PDE11A: variants seen among roughly 807,000 people sequenced by gnomAD.
The protein encoded by PDE11A is dual 3',5'-cyclic-AMP and -GMP phosphodiesterase 11A.
PDE11A carries 100 observed loss-of-function variants against 100.5 expected under a neutral mutation model. The observed-to-expected ratio is 1.00, with a 90% CI of 0.85 to 1.18. The LOEUF (loss-of-function observed/expected upper bound fraction) is 1.18. Among genes scored for constraint, PDE11A ranks in the 50% most tolerant of loss-of-function variants. PDE11A has a pLI of 0.00. For synonymous variants in PDE11A, 381 were observed against 420.8 expected, an observed-to-expected ratio of 0.91 and a Z score of 1.16; for missense variants, 1,141 against 1,152.6, an observed-to-expected ratio of 0.99 and a Z score of 0.15.
intron 2 of PDE11A, among the ~76,000 whole-genome samples, chr2:177,958,079 C>T (rs895371394): frequency 7.9e-5 from 12 of 151,754 alleles, no homozygotes; most frequent in African/African-American, 2.4e-4. Flanking sequence ...TTAGTAGACA[C>T]GGGGTTTCAT....
At chr2:177,699,301 C>A (rs1281456876) in intron 14 of PDE11A, among the ~76,000 whole-genome samples, 1 of 152,118 alleles carries the variant, frequency 6.6e-6, no homozygotes, top group Non-Finnish European at 1.5e-5. Flanking sequence ...TATATCTAAA[C>A]CTATTTAAAC....
At chr2:177,855,005 A>G (rs1323992956) in intron 5 of PDE11A, among the ~76,000 whole-genome samples, 1 of 152,140 alleles carries the variant, frequency 6.6e-6, no homozygotes, top group African/African-American at 2.4e-5. Flanking sequence ...CCAAGACGAC[A>G]GGTCGTGGTA....
chr2:177,985,999 A>C (rs542871139), intron 2 of PDE11A, among the ~76,000 whole-genome samples: 16 of 152,354 alleles, frequency 1.1e-4, no homozygotes, highest in Non-Finnish European at 7.3e-5. Flanking sequence ...CAGCAAGGAA[A>C]CAAGGCAAAA....
chr2:177,998,013 G>C, intron 2 of PDE11A: 2 of 1,232,978 alleles, frequency 1.6e-6, no homozygotes, highest in Non-Finnish European at 2.4e-6. Flanking sequence ...TTGTGGAATG[G>C]ACAGTTTTAG....
At chr2:177,995,646 A>AT (rs1553498583) in intron 2 of PDE11A, among the ~76,000 whole-genome samples, 16 of 147,704 alleles carry the variant, frequency 1.1e-4, no homozygotes, top group Admixed American at 5.4e-4. Flanking sequence ...CACAAACACC[A>AT]CCCACCCCGC....
At chr2:177,871,337 C>T (rs1022464489) in intron 5 of PDE11A, among the ~76,000 whole-genome samples, 3 of 151,898 alleles carry the variant, frequency 2.0e-5, no homozygotes, top group South Asian at 2.1e-4. Context: ...GTCCCAGGTT[C>T]GTGAAGGTCA....
At chr2:178,079,568 T>C (rs551728020) in intron 2 of PDE11A, among the ~76,000 whole-genome samples, 2 of 152,318 alleles carry the variant, frequency 1.3e-5, no homozygotes, top group African/African-American at 2.4e-5. Context: ...ATTCCATTTC[T>C]TTACTATTGT....
At chr2:177,847,101 GC>G (rs2083613743) in intron 5 of PDE11A, among the ~76,000 whole-genome samples, 1 of 152,072 alleles carries the variant, frequency 6.6e-6, no homozygotes, top group Non-Finnish European at 1.5e-5. Context: ...CTTGTGGCAT[GC>G]CTTCCTTATT....
At chr2:177,757,202 T>C (rs2082101992) in intron 10 of PDE11A, among the ~76,000 whole-genome samples, 1 of 152,204 alleles carries the variant, frequency 6.6e-6, no homozygotes, top group Non-Finnish European at 1.5e-5. Context: ...AAAACTGGCC[T>C]GGCAGCTGGT....
At chr2:178,002,228 T>G (rs1231951403) in intron 2 of PDE11A, among the ~76,000 whole-genome samples, 1 of 152,234 alleles carries the variant, frequency 6.6e-6, no homozygotes, top group East Asian at 1.9e-4. Flanking sequence ...TGCATCATGT[T>G]GCTGCAAAGG....
At chr2:177,650,573 T>C (rs890633146) in intron 19 of PDE11A, among the ~76,000 whole-genome samples, 4 of 152,228 alleles carry the variant, frequency 2.6e-5, no homozygotes, top group Non-Finnish European at 5.9e-5. Flanking sequence ...TCTGGTTCAG[T>C]CTGCTTTTTG....
chr2:177,634,539 C>T (rs2080008506), intron 19 of PDE11A, among the ~76,000 whole-genome samples: 1 of 152,010 alleles, frequency 6.6e-6, no homozygotes, highest in African/African-American at 2.4e-5. Flanking sequence ...AGGCGCCCGC[C>T]ACCACGCCTG....
Position 178,101,710 on chromosome 2 carries a change from C to A in PDE11A, c.162+2592G>T, listed in dbSNP as rs375472306. ...GGCCAACTATAATAACAAACATACTCCGGTCACTCTAGAAATTCCAAGGTT... is the reference window on the plus strand; with the variant it reads ...GGCCAACTATAATAACAAACATACTACGGTCACTCTAGAAATTCCAAGGTT... On this transcript the variant is annotated intron_variant, in intron 2 of 20. Transcript: ENST00000358450. Among the ~76,000 whole-genome samples the A allele has an allele frequency of 5.9e-5, 9 of 152,148 alleles. No individual in the cohort carries two copies. The South Asian group carries it at 1.7e-3, about 28-fold the overall frequency.
At position 177,982,803 on chromosome 2, in the gene PDE11A, T is replaced by A. The variant is rs2085899058; in HGVS notation, c.1071+31499A>T. Reference sequence around the variant, plus strand: ...TACACTATAAAAATAAGGCCAGGCATGGTAGCTCACACCTGTAATTCCAGT... The same window carrying A: ...TACACTATAAAAATAAGGCCAGGCAAGGTAGCTCACACCTGTAATTCCAGT... On this transcript the variant is annotated intron_variant, in intron 2 of 19. Transcript: ENST00000286063. Among the ~76,000 whole-genome samples, 3 of 150,898 alleles carry A rather than the reference T, an allele frequency of 2.0e-5. 1 individual carries two copies. In the South Asian group the frequency reaches 6.4e-4, roughly 32 times the overall value.
At chr2:177,919,630 G>C (rs12151372) in intron 2 of PDE11A, among the ~76,000 whole-genome samples, 1,732 of 152,028 alleles carry the variant, frequency 0.011, 27 homozygotes, top group East Asian at 0.074. Flanking sequence ...TTTTTAATAA[G>C]TTATAATGGG....
intron 10 of PDE11A, among the ~76,000 whole-genome samples, chr2:177,763,368 G>A (rs1056264185): frequency 2.6e-5 from 4 of 152,198 alleles, no homozygotes; most frequent in African/African-American, 9.7e-5. Context: ...ATAGCTTCGA[G>A]GTAATCTTTT....
chr2:178,042,490 A>G (rs967663369), intron 1 of PDE11A, among the ~76,000 whole-genome samples: 2 of 151,236 alleles, frequency 1.3e-5, no homozygotes, highest in South Asian at 2.1e-4. Flanking sequence ...AAAAAAAAAA[A>G]AAGAAGAAAA....
intron 2 of PDE11A, among the ~76,000 whole-genome samples, chr2:177,917,940 A>G (rs531474680): frequency 9.9e-5 from 15 of 152,252 alleles, no homozygotes; most frequent in Non-Finnish European, 1.9e-4. Context: ...ATTAATATTT[A>G]ATTAATGTAA....
chr2:177,843,914 T>G (rs2083532493), intron 5 of PDE11A, among the ~76,000 whole-genome samples: 1 of 152,164 alleles, frequency 6.6e-6, no homozygotes, highest in African/African-American at 2.4e-5. Context: ...ACTTCAGGTG[T>G]TGTAATCTAG....
Sources: allele counts gnomAD v4.1 joint callset (sites outside exome capture counted in the v4.1 genomes callset), GRCh38; gene constraint gnomAD v4.1.1; transcripts MANE v1.5; gene names NCBI Gene and HGNC (gene_info 2026-07-23, HGNC 2026-07-21).